The following TENM4 variants were observed in gnomAD, a reference collection of about 807,000 sequenced individuals.
TENM4 encodes the protein teneurin-4.
In TENM4, 82 loss-of-function variants were observed where a neutral mutation model predicts 243.3. The ratio of observed to expected loss-of-function variants is 0.34; its 90% CI spans 0.28 to 0.40. The LOEUF is 0.40. Among genes scored for constraint, TENM4 ranks in the 10% least tolerant of loss-of-function variants. The probability of loss-of-function intolerance (pLI) is 1.00; values close to 1 mark genes in which losing one functional copy is unlikely to be tolerated. For missense variants in TENM4, 3,138 were observed against 3,673.3 expected, an observed-to-expected ratio of 0.85 and a Z score of 3.77; for synonymous variants, 1,412 against 1,456.3, an observed-to-expected ratio of 0.97 and a Z score of 0.69.
At chr11:79,030,663 T>C (rs1859205820) in intron 6 of TENM4, among the ~76,000 whole-genome samples, 2 of 152,076 alleles carry the variant, frequency 1.3e-5, no homozygotes, top group African/African-American at 4.8e-5. Flanking sequence ...TCTTGGTGGA[T>C]GATTTATGGG....
At chr11:79,258,936 T>C (rs1279191192) in intron 2 of TENM4, among the ~76,000 whole-genome samples, 18 of 151,858 alleles carry the variant, frequency 1.2e-4, no homozygotes, top group Admixed American at 1.2e-3. Flanking sequence ...GTTCCAGTCC[T>C]GGCCCCCCCC....
chr11:79,146,875 C>A (rs1862404062), intron 4 of TENM4, among the ~76,000 whole-genome samples: 1 of 152,084 alleles, frequency 6.6e-6, no homozygotes. Context: ...GACACCATAG[C>A]CTGTGTTTTC....
At chr11:78,733,262 C>T (rs1855708966) in intron 20 of TENM4, among the ~76,000 whole-genome samples, 1 of 152,210 alleles carries the variant, frequency 6.6e-6, no homozygotes, top group Non-Finnish European at 1.5e-5. Flanking sequence ...GAGATGAGAT[C>T]ACTGTGACAG....
chr11:79,238,721 A>G (rs1420900001), intron 2 of TENM4, among the ~76,000 whole-genome samples: 1 of 152,020 alleles, frequency 6.6e-6, no homozygotes, highest in Admixed American at 6.5e-5. Flanking sequence ...CCAGACTAAT[A>G]CAGGACTCAA....
chr11:78,935,814 T>C (rs1856770933), intron 6 of TENM4, among the ~76,000 whole-genome samples: 2 of 152,230 alleles, frequency 1.3e-5, no homozygotes, highest in South Asian at 2.1e-4. Context: ...GGTTAACTTA[T>C]TTTTAAAATC....
chr11:79,336,163 T>C (rs1316814359), intron 1 of TENM4, among the ~76,000 whole-genome samples: 2 of 151,212 alleles, frequency 1.3e-5, no homozygotes, highest in African/African-American at 4.9e-5. Context: ...TTGAATATTT[T>C]CCCCCCTCCA....
Position 78,676,335 on chromosome 11 carries a change from C to T in TENM4, c.5313G>A (p.Leu1771=). ...YIGADGSLRL[L]LANGMEVALQ... is the part of the protein sequence containing the mutation. ...GCGCCACCTCCATGCCGTTGGCCAG[C>T]AGCAGCCGCAAGGAGCCATCGGCCC... is the stretch of plus-strand genomic sequence containing the variant. Residue 1771 remains leucine, a synonymous_variant, in exon 30 of 34, where the codon CTG becomes CTA. Transcript: ENST00000278550. 1.2e-6 allele frequency: 2 copies of T among 1,610,012 alleles called. No homozygotes were observed. Among genetic ancestry groups the T allele is most frequent in the Non-Finnish European group, 1.7e-6 (2 of 1,176,794 alleles).
intron 1 of TENM4, among the ~76,000 whole-genome samples, chr11:79,407,139 T>A (rs553520664): frequency 6.6e-6 from 1 of 152,302 alleles, no homozygotes; most frequent in African/African-American, 2.4e-5. Flanking sequence ...TACCTAACTA[T>A]GTGTCAGATT....
intron 12 of TENM4, among the ~76,000 whole-genome samples, chr11:78,827,323 C>A (rs1039565668): frequency 6.6e-6 from 1 of 152,016 alleles, no homozygotes; most frequent in Non-Finnish European, 1.5e-5. Context: ...CTTTCTCATG[C>A]CCTCTTTGTG....
rs763128589 is a variant in TENM4 at position 79,405,847 on chromosome 11, C to CAAAA, written c.-321+34658_-321+34661dup. Among the ~76,000 whole-genome samples, 141 of 68,994 alleles carry CAAAA rather than the reference C, an allele frequency of 2.0e-3. 2 individuals are homozygous for CAAAA. The highest frequency in any genetic ancestry group is 3.9e-3 in the East Asian group (8 of 2,060). 45.3% of individuals were successfully genotyped at this position (68,994 alleles called of 152,430 possible). On this transcript the variant is annotated intron_variant, in intron 1 of 33. Coordinates refer to ENST00000278550, the MANE Select transcript of TENM4 (RefSeq NM_001098816.3). ...AATTTCTCTGAATGCATTGTGATTT[C>CAAAA]AAAAAAAAAAAAAAAAAAAAAAAAC...
chr11:79,275,815 G>T (rs765808161), intron 2 of TENM4, among the ~76,000 whole-genome samples: 19 of 152,214 alleles, frequency 1.2e-4, no homozygotes, highest in Non-Finnish European at 2.4e-4. Context: ...GGTTCTCCCT[G>T]GGTGACAGGT....
chr11:79,139,095 T>C (rs1248597669), intron 4 of TENM4, among the ~76,000 whole-genome samples: 2 of 43,374 alleles, frequency 4.6e-5, no homozygotes, highest in Non-Finnish European at 3.5e-5. Flanking sequence ...TTTCTATAAA[T>C]ATATAAAATA....
At chr11:79,402,094 C>G (rs1295953344) in intron 1 of TENM4, 1 of 406,056 alleles carries the variant, frequency 2.5e-6, no homozygotes. Flanking sequence ...AGATTGTAAG[C>G]TCCTTGAGGG....
At chr11:78,659,423 A>G (rs996359270) in intron 33 of TENM4, among the ~76,000 whole-genome samples, 12 of 151,996 alleles carry the variant, frequency 7.9e-5, no homozygotes, top group African/African-American at 2.9e-4. Flanking sequence ...CTAGAGGTTC[A>G]GTTTCAAGGG....
chr11:79,218,429 A>G (rs1041332936), intron 2 of TENM4, among the ~76,000 whole-genome samples: 1 of 152,140 alleles, frequency 6.6e-6, no homozygotes, highest in Admixed American at 6.6e-5. Context: ...GGTCCTAGTC[A>G]TGTAAGTGAT....
intron 19 of TENM4, 29 bp from the exon 20 acceptor site, chr11:78,738,599 G>C (rs773383663): frequency 6.2e-7 from 1 of 1,607,760 alleles, no homozygotes; most frequent in Admixed American, 1.7e-5. Context: ...GAATAAACAT[G>C]ATACACCTTT....
intron 18 of TENM4, among the ~76,000 whole-genome samples, chr11:78,768,918 G>A (rs534139737): frequency 6.6e-6 from 1 of 152,174 alleles, no homozygotes; most frequent in African/African-American, 2.4e-5. Context: ...GCAAACAAAG[G>A]ATACACTTGA....
At chr11:79,389,977 GGT>G (rs1420392436) in intron 1 of TENM4, among the ~76,000 whole-genome samples, 3 of 152,174 alleles carry the variant, frequency 2.0e-5, no homozygotes, top group African/African-American at 7.2e-5. Flanking sequence ...AAAGTAACAT[GGT>G]GGGTTTTTGT....
At position 79,069,834 on chromosome 11, in the gene TENM4, T is replaced by C; in HGVS notation, c.111A>G (p.Lys37=). The C allele has an allele frequency of 6.4e-7, 1 of 1,550,886 alleles. No homozygotes were observed. The highest frequency in any genetic ancestry group is 8.7e-7 in the Non-Finnish European group (1 of 1,146,882). Residue 37 remains lysine (K), a synonymous_variant, in exon 5 of 34, where the codon AAA becomes AAG. Transcript: ENST00000278550. ...TCAGGGTCTCGCTGGAGCTGTACGA[T>C]TTCTGCGGGGCTTTGCCCTCCTCGC... The part of the protein sequence containing the change: ...ADSEEGKAPQ[K]SYSSSETLKA...
Sources: gnomAD v4.1 joint callset for allele counts (sites outside exome capture counted in the v4.1 genomes callset) on GRCh38, gnomAD v4.1.1 for gene constraint, MANE v1.5 for transcripts, NCBI Gene and HGNC (gene_info 2026-07-23, HGNC 2026-07-21) for gene names.